RAB11FIP1: variants seen among roughly 807,000 people sequenced by gnomAD.
RAB11FIP1 encodes RAB11 family interacting protein 1.
A neutral mutation model predicts 83.1 loss-of-function variants in RAB11FIP1; 49 were observed. The observed-to-expected ratio is 0.59, with a 90% CI of 0.47 to 0.75. The LOEUF (loss-of-function observed/expected upper bound fraction) is 0.75, where lower values mean the gene tolerates loss of function less well. Ranked by LOEUF, RAB11FIP1 falls within the 30% of genes least tolerant of loss-of-function variation. The probability of loss-of-function intolerance (pLI) is 0.00; values close to 1 mark genes in which losing one functional copy is unlikely to be tolerated. For synonymous variants in RAB11FIP1, 670 were observed against 656.0 expected (o/e 1.02, Z -0.33); for missense variants, 1,536 against 1,598.7 (o/e 0.96, Z 0.67).
In RAB11FIP1 at chr8:37,899,354, G is replaced by A. The variant is rs1286587950; in HGVS notation, c.88C>T (p.Leu30=). The A allele has an allele frequency of 1.9e-6, 3 of 1,606,788 alleles. No homozygotes were observed. The African/African-American group carries it at 4.1e-5, about 22-fold the overall frequency. Residue 30 remains leucine, a synonymous_variant, in exon 1 of 6, where the codon CTG becomes TTG. Transcript: ENST00000330843. This position sits in a 1 kb window ranked among gnomAD's most constrained non-coding sequence, Gnocchi z 4.5. ...VQVTVLQARG[L]RAKGPGGTSD... is the part of the protein sequence containing the mutation. The stretch of plus-strand genomic sequence containing the variant: ...GTGCCCCCGGGGCCCTTGGCCCGCA[G>A]GCCCCGCGCCTGCAGCACCGTCACC...
intron 1 of RAB11FIP1, among the ~76,000 whole-genome samples, chr8:37,889,122 T>C (rs763266505): frequency 5.3e-5 from 8 of 152,106 alleles, no homozygotes; most frequent in Non-Finnish European, 1.0e-4. Context: ...TATTGAGAGA[T>C]GTCATGATCC....
chr8:37,876,254 G>GAAGGAAGA (rs1475430866), intron 2 of RAB11FIP1, among the ~76,000 whole-genome samples: 10 of 143,526 alleles, frequency 7.0e-5, no homozygotes, highest in African/African-American at 2.9e-4. Context: ...AGGAAGGAAG[G>GAAGGAAGA]AAGGAAGGAA....
chr8:37,877,892 GTA>G (rs1372944480), intron 1 of RAB11FIP1: 1 of 175,652 alleles, frequency 5.7e-6, no homozygotes, highest in African/African-American at 2.4e-5. Context: ...GCTAATTTTT[GTA>G]TTTTTAGTAG....
At chr8:37,871,188 CTG>C in intron 4 of RAB11FIP1, 88 bp downstream of exon 4, 1 of 1,493,070 alleles carries the variant, frequency 6.7e-7, no homozygotes, top group Non-Finnish European at 8.9e-7. Context: ...CATCAGACGT[CTG>C]TGTGGTTAGA....
intron 1 of RAB11FIP1, among the ~76,000 whole-genome samples, chr8:37,884,834 C>CCA (rs1430632193): frequency 5.9e-5 from 9 of 151,694 alleles, no homozygotes; most frequent in African/African-American, 2.2e-4. Flanking sequence ...CAGGTGTGAA[C>CCA]CACTATGCCA....
In RAB11FIP1 at chr8:37,861,511, T is replaced by TGGTCTCC; in HGVS notation, c.*1377_*1383dup. On this transcript the variant is annotated 3_prime_UTR_variant, in exon 6 of 6. Transcript: ENST00000330843. The stretch of plus-strand genomic sequence containing the variant: ...TTCAATCCCTTTGGGGTCCAATCCA[T>TGGTCTCC]GGTCTCCTGTCCCCTGTAGAGTGAA... 2 of 429,716 alleles carry TGGTCTCC rather than the reference T, an allele frequency of 4.7e-6. No individual in the cohort carries two copies. Among genetic ancestry groups the TGGTCTCC allele is most frequent in the South Asian group, 3.4e-5 (2 of 59,012 alleles). 26.6% of individuals were successfully genotyped at this position (429,716 alleles called of 1,614,324 possible). A position where few individuals can be genotyped will look rare whatever the true frequency, so the allele number is the denominator to read the frequency against.
intron 2 of RAB11FIP1, among the ~76,000 whole-genome samples, chr8:37,876,096 G>A: frequency 6.6e-6 from 1 of 152,102 alleles, no homozygotes; most frequent in East Asian, 1.9e-4. Flanking sequence ...TCGGGAGACT[G>A]AGGAAGGAGA....
chr8:37,864,737 G>T (rs1421762598), intron 5 of RAB11FIP1, among the ~76,000 whole-genome samples: 1 of 152,128 alleles, frequency 6.6e-6, no homozygotes, highest in Non-Finnish European at 1.5e-5. Flanking sequence ...TGAGACACTG[G>T]ACTGCTTTTC....
In RAB11FIP1 at chr8:37,861,189, T is replaced by TA. The variant is rs76238618; in HGVS notation, c.*1705dup. The TA allele has an allele frequency of 0.028, 3,919 of 142,104 alleles. 139 individuals carry two copies. The highest frequency in any genetic ancestry group is 0.089 in the African/African-American group (3,443 of 38,896). The allele number at this position is 142,104 out of a possible 1,614,324, so 8.8% of individuals were successfully genotyped here. A position where few individuals can be genotyped will look rare whatever the true frequency, so the allele number is the denominator to read the frequency against. On this transcript the variant is annotated 3_prime_UTR_variant, in exon 6 of 6. Coordinates refer to ENST00000330843, the MANE Select transcript of RAB11FIP1 (RefSeq NM_001002814.3). ...CTAAGAAGGAAGCAAGTGCCCTAGTTAAAAAAAAAAAAAGTCTATAAATCT... is the reference window on the plus strand; with the variant it reads ...CTAAGAAGGAAGCAAGTGCCCTAGTTAAAAAAAAAAAAAAGTCTATAAATCT...
chr8:37,878,157 A>G (rs953261187), intron 1 of RAB11FIP1: 3 of 152,082 alleles, frequency 2.0e-5, no homozygotes, highest in Non-Finnish European at 4.4e-5. Flanking sequence ...TGATTCAATA[A>G]AGAGCTCATT....
chr8:37,879,091 T>C (rs1036080824), intron 1 of RAB11FIP1, among the ~76,000 whole-genome samples: 1 of 152,134 alleles, frequency 6.6e-6, no homozygotes, highest in Non-Finnish European at 1.5e-5. Context: ...GCAGATCACC[T>C]GAGGTCAGGA....
rs1807172475 is a variant in RAB11FIP1, at chr8:37,899,397, C to A, written c.45G>T (p.Trp15Cys). 1 of 1,594,488 alleles carries A rather than the reference C, an allele frequency of 6.3e-7. No homozygotes were observed. The change falls in exon 1 of 6, where the codon TGG (tryptophan) becomes TGT (cysteine). Residue 15 changes from tryptophan to cysteine, a missense_variant. Coordinates refer to ENST00000330843, the MANE Select transcript of RAB11FIP1 (RefSeq NM_001002814.3). The surrounding 1 kb of genome is among the most constrained non-coding windows in gnomAD (Gnocchi z 4.5). The part of the protein sequence containing the change: ...VSAGRGLGAV[W>C]SPTHVQVTVL... ...CCGTCACCTGCACGTGGGTTGGGGACCACACGGCCCCCAGGCCCCGGCCAG... is the reference window on the plus strand; with the variant it reads ...CCGTCACCTGCACGTGGGTTGGGGAACACACGGCCCCCAGGCCCCGGCCAG...
intron 1 of RAB11FIP1, among the ~76,000 whole-genome samples, chr8:37,888,167 C>T (rs1402796685): frequency 2.6e-5 from 4 of 152,136 alleles, no homozygotes; most frequent in East Asian, 3.9e-4. Flanking sequence ...AGTGCAGTGG[C>T]GCAATCACAG....
chr8:37,896,397 T>G (rs1191181096), intron 1 of RAB11FIP1, among the ~76,000 whole-genome samples: 1 of 152,136 alleles, frequency 6.6e-6, no homozygotes, highest in Admixed American at 6.6e-5. Flanking sequence ...ACAGCACCCT[T>G]GGCACCTTGG....
intron 1 of RAB11FIP1, among the ~76,000 whole-genome samples, chr8:37,881,501 G>T (rs1806733493): frequency 6.6e-6 from 1 of 152,134 alleles, no homozygotes; most frequent in Admixed American, 6.5e-5. Context: ...ATAAATCGTT[G>T]AGATTACTTA....
chr8:37,893,383 A>T (rs1319758910), intron 1 of RAB11FIP1, among the ~76,000 whole-genome samples: 1 of 152,046 alleles, frequency 6.6e-6, no homozygotes, highest in African/African-American at 2.4e-5. Context: ...CTCCCCTACA[A>T]GGCTCTGGGC....
At chr8:37,869,227 CAAAAA>C (rs59449975) in intron 5 of RAB11FIP1, among the ~76,000 whole-genome samples, 2 of 126,888 alleles carry the variant, frequency 1.6e-5, no homozygotes, top group Non-Finnish European at 1.7e-5. Flanking sequence ...GATCCTGTAT[CAAAAA>C]AAAAAAAAAA....
intron 1 of RAB11FIP1, among the ~76,000 whole-genome samples, chr8:37,883,776 A>G (rs528128972): frequency 1.6e-4 from 25 of 152,210 alleles, no homozygotes; most frequent in Admixed American, 1.4e-3. Flanking sequence ...GGTGTGTTCC[A>G]GTATTATCTT....
intron 1 of RAB11FIP1, among the ~76,000 whole-genome samples, chr8:37,880,822 C>A (rs1157255002): frequency 3.3e-5 from 5 of 151,218 alleles, no homozygotes; most frequent in Non-Finnish European, 7.4e-5. Flanking sequence ...TACAATGGGA[C>A]AAATAACTCC....
Sources: allele counts gnomAD v4.1 joint callset (sites outside exome capture counted in the v4.1 genomes callset), GRCh38; gene constraint gnomAD v4.1.1; non-coding constraint Gnocchi (gnomAD v3.1); transcripts MANE v1.5; gene names NCBI Gene and HGNC (gene_info 2026-07-23, HGNC 2026-07-21).